TFAP4: variants seen among roughly 807,000 people sequenced by gnomAD.
The protein encoded by TFAP4 is activating enhancer-binding protein 4.
TFAP4 carries 7 observed loss-of-function variants against 40.4 expected under a neutral mutation model. That is an observed-to-expected ratio of 0.17 (90% CI 0.10 to 0.33). TFAP4 has a LOEUF of 0.33. Ranked by LOEUF, TFAP4 falls within the 10% of genes least tolerant of loss-of-function variation. TFAP4 has a pLI of 1.00. For missense variants in TFAP4, 374 were observed against 451.1 expected, an observed-to-expected ratio of 0.83 and a Z score of 1.55; for synonymous variants, 218 against 181.4, an observed-to-expected ratio of 1.20 and a Z score of -1.62.
chr16:4,270,481 A>G (rs564139788), intron 1 of TFAP4, among the ~76,000 whole-genome samples: 8 of 152,190 alleles, frequency 5.3e-5, no homozygotes, highest in Non-Finnish European at 1.0e-4. Context: ...TTGATCCCAG[A>G]CTGGCTTCCC....
intron 1 of TFAP4, among the ~76,000 whole-genome samples, chr16:4,269,549 C>A (rs917057675): frequency 1.4e-5 from 2 of 145,088 alleles, no homozygotes; most frequent in Admixed American, 7.0e-5. Context: ...CGGTGGCTCA[C>A]GTCTGAAATC....
Position 4,261,965 on chromosome 16 carries a change from A to G in TFAP4, c.355-16T>C. On this transcript the variant is annotated splice_polypyrimidine_tract_variant and intron_variant, in intron 3 of 6. Transcript: ENST00000204517. ...CGCTCAGCTCCTGGGGACCCCAAGG[A>G]GTCGGTCAGTGTGCCTGACACCTCG... is the stretch of plus-strand genomic sequence containing the variant. 6.3e-7 allele frequency: 1 copy of G among 1,589,982 alleles called. No individual in the cohort carries two copies. Among genetic ancestry groups the G allele is most frequent in the Non-Finnish European group, 8.5e-7 (1 of 1,170,644 alleles).
At chr16:4,261,697 A>AG (rs1346880169) in intron 4 of TFAP4, 82 bp downstream of exon 4, 1 of 1,413,780 alleles carries the variant, frequency 7.1e-7, no homozygotes, top group Non-Finnish European at 9.3e-7. Flanking sequence ...GGCTCCACCG[A>AG]GGGCCGCAGA....
Position 4,272,864 on chromosome 16 carries a change from A to C in TFAP4, c.-118T>G. On this transcript the variant is annotated 5_prime_UTR_variant, in exon 1 of 7. Coordinates refer to ENST00000204517, the MANE Select transcript of TFAP4 (RefSeq NM_003223.3). ...GAGGTGCAGAATCGGCCGGTCCCAGATGCTGGCGGCGGCGGCGGCGGCGAG... is the reference window on the plus strand; with the variant it reads ...GAGGTGCAGAATCGGCCGGTCCCAGCTGCTGGCGGCGGCGGCGGCGGCGAG... 2.4e-6 allele frequency: 1 copy of C among 423,998 alleles called. No homozygotes were observed. Among genetic ancestry groups the C allele is most frequent in the Non-Finnish European group, 3.4e-6 (1 of 295,692 alleles). 26.3% of individuals were successfully genotyped at this position (423,998 alleles called of 1,614,324 possible).
At position 4,258,163 on chromosome 16, in the gene TFAP4, G is replaced by A; in HGVS notation, c.909C>T (p.Ser303=). ...RRAVIVKPVR[S]CPEAPTSDTA... ...TGTCAGAGGTGGGGGCCTCCGGGCAGCTGCGGACAGGCTTCACGATGACAG... is the reference window on the plus strand; with the variant it reads ...TGTCAGAGGTGGGGGCCTCCGGGCAACTGCGGACAGGCTTCACGATGACAG... The change falls in exon 7 of 7, where the codon AGC becomes AGT. Residue 303 remains serine, a synonymous_variant. Transcript: ENST00000204517. The A allele has an allele frequency of 6.2e-7, 1 of 1,614,040 alleles. No individual in the cohort carries two copies. The highest frequency in any genetic ancestry group is 8.5e-7 in the Non-Finnish European group (1 of 1,179,972).
chr16:4,272,005 G>A (rs927749595), intron 1 of TFAP4, among the ~76,000 whole-genome samples: 52 of 151,726 alleles, frequency 3.4e-4, no homozygotes, highest in African/African-American at 1.2e-3. Flanking sequence ...AACAGCGCCC[G>A]GGCGCGGGCG....
intron 6 of TFAP4, 23 bp downstream of exon 6, chr16:4,260,067 G>A (rs1368723023): frequency 2.5e-6 from 4 of 1,602,516 alleles, no homozygotes; most frequent in Non-Finnish European, 3.4e-6. Context: ...CCCACAAGCT[G>A]CCCCTTTCTC....
At chr16:4,266,305 T>G (rs949746544) in intron 1 of TFAP4, 1 of 152,214 alleles carries the variant, frequency 6.6e-6, no homozygotes, top group African/African-American at 2.4e-5. Flanking sequence ...CAGCCCAGTC[T>G]CCTGGCTCAG....
At chr16:4,259,560 GT>G (rs775223937) in intron 6 of TFAP4, among the ~76,000 whole-genome samples, 7 of 152,064 alleles carry the variant, frequency 4.6e-5, no homozygotes, top group Non-Finnish European at 8.8e-5. Flanking sequence ...TTTTTTTCCT[GT>G]TTTGGCTTTT....
chr16:4,259,048 A>AT (rs2141087892), intron 6 of TFAP4, among the ~76,000 whole-genome samples: 1 of 151,792 alleles, frequency 6.6e-6, no homozygotes, highest in African/African-American at 2.4e-5. Context: ...AGATAGCACC[A>AT]TTGCACTCCA....
In TFAP4 at chr16:4,272,654, A is replaced by G; in HGVS notation, c.89+4T>C. The G allele has an allele frequency of 6.2e-7, 1 of 1,608,416 alleles. No individual in the cohort carries two copies. The highest frequency in any genetic ancestry group is 8.5e-7 in the Non-Finnish European group (1 of 1,176,540). Reference sequence around the variant, plus strand: ...AAGGGGGTGGGGGGAGGAGGAGTACACACCTACAGAGCCCTCCTATCACTT... The same window carrying G: ...AAGGGGGTGGGGGGAGGAGGAGTACGCACCTACAGAGCCCTCCTATCACTT... On this transcript the variant is annotated splice_donor_region_variant and intron_variant, in intron 1 of 6. Coordinates refer to ENST00000204517, the MANE Select transcript of TFAP4 (RefSeq NM_003223.3).
chr16:4,265,861 A>T (rs1258650944), intron 1 of TFAP4: 1 of 152,150 alleles, frequency 6.6e-6, no homozygotes, highest in Non-Finnish European at 1.5e-5. Context: ...AAGCGCCTCT[A>T]CTGACTGCTA....
chr16:4,264,825 TG>T (rs1876086506), intron 1 of TFAP4: 1 of 152,356 alleles, frequency 6.6e-6, no homozygotes, highest in South Asian at 2.1e-4. Flanking sequence ...GGCTTAAAGC[TG>T]GGGCTCTTTG....
rs2052959219 is a variant in TFAP4, at chr16:4,262,651, C to T, written c.140G>A (p.Arg47Gln). The T allele has an allele frequency of 1.2e-6, 2 of 1,611,162 alleles. No homozygotes were observed. Among genetic ancestry groups the T allele is most frequent in the African/African-American group, 1.3e-5 (1 of 74,784 alleles). Residue 47 changes from arginine to glutamine, a missense_variant, in exon 2 of 7, where the codon CGG (arginine) becomes CAG (glutamine). This residue lies in a region of TFAP4 where 51 missense variants were observed against 59.3 expected (regional missense o/e 0.86). Transcript: ENST00000204517. ...TPETQRDQER[R>Q]IRREIANSNE... ...GCTGTTGGCGATCTCCCGCCGAATC[C>T]GCCGCTCCTGGTCCCGCTGAGTCTC...
intron 6 of TFAP4, 27 bp downstream of exon 6, chr16:4,260,063 A>T: frequency 6.2e-7 from 1 of 1,600,148 alleles, no homozygotes; most frequent in South Asian, 1.1e-5. Flanking sequence ...GACCCCCACA[A>T]GCTGCCCCTT....
rs2052942201 is a variant in TFAP4, at chr16:4,260,848, T to C, written c.526-253A>G. Among the ~76,000 whole-genome samples the C allele has an allele frequency of 2.0e-5, 3 of 152,278 alleles. No individual in the cohort carries two copies. In the South Asian group the frequency reaches 6.2e-4, roughly 31 times the overall value. On this transcript the variant is annotated intron_variant, in intron 4 of 6. Coordinates refer to ENST00000204517, the MANE Select transcript of TFAP4 (RefSeq NM_003223.3). Reference sequence around the variant, plus strand: ...TCCCTCTGCCGGGAACACCTTTCTCTGTCCTTTGGTTAACTATGAGACTCA... The same window carrying C: ...TCCCTCTGCCGGGAACACCTTTCTCCGTCCTTTGGTTAACTATGAGACTCA...
rs756549532 is a variant in TFAP4 at position 4,258,215 on chromosome 16, T to C, written c.857A>G (p.Gln286Arg). Reference sequence around the variant, plus strand: ...TCGCCGCTGCTCCTCCTCCAGCTCCTGCTTTTCCTGGGTGCCCTCGATGTG... The same window carrying C: ...TCGCCGCTGCTCCTCCTCCAGCTCCCGCTTTTCCTGGGTGCCCTCGATGTG... Reference protein sequence around the residue: ...IQHIEGTQEKQELEEEQRRAV... With the variant: ...IQHIEGTQEKRELEEEQRRAV... Residue 286 changes from glutamine to arginine, a missense_variant, in exon 7 of 7, where the codon CAG (glutamine) becomes CGG (arginine). Gln to Arg is a conservative substitution (Grantham distance 43). Transcript: ENST00000204517. The C allele has an allele frequency of 3.1e-6, 5 of 1,607,214 alleles. No individual in the cohort carries two copies. The highest frequency in any genetic ancestry group is 3.3e-4 in the Middle Eastern group (2 of 6,046).
At chr16:4,259,899 C>A (rs1301075334) in intron 6 of TFAP4, among the ~76,000 whole-genome samples, 191 bp downstream of exon 6, 1 of 152,236 alleles carries the variant, frequency 6.6e-6, no homozygotes, top group Non-Finnish European at 1.5e-5. Context: ...GTAGGCCCTG[C>A]CCCGATCTCT....
intron 6 of TFAP4, among the ~76,000 whole-genome samples, chr16:4,259,370 A>C (rs2052925832): frequency 6.6e-6 from 1 of 152,008 alleles, no homozygotes; most frequent in African/African-American, 2.4e-5. Context: ...CCTGACCTCA[A>C]GTGATCCACC....
Sources: gnomAD v4.1 joint callset for allele counts (sites outside exome capture counted in the v4.1 genomes callset) on GRCh38, gnomAD v4.1.1 for gene constraint, gnomAD v4.1.1 regional missense constraint, MANE v1.5 for transcripts, NCBI Gene and HGNC (gene_info 2026-07-23, HGNC 2026-07-21) for gene names.